TP63: variants seen among roughly 807,000 people sequenced by gnomAD.
The protein encoded by TP63 is tumor protein 63.
TP63 carries 17 observed loss-of-function variants against 82.8 expected under a neutral mutation model. The observed-to-expected ratio is 0.21, with a 90% CI of 0.14 to 0.31. The LOEUF (loss-of-function observed/expected upper bound fraction) is 0.31, where lower values mean the gene tolerates loss of function less well. TP63 is among the 10% of genes least tolerant of loss of function. TP63 has a pLI of 1.00. For synonymous variants in TP63, 330 were observed against 321.7 expected, an observed-to-expected ratio of 1.03 and a Z score of -0.28; for missense variants, 648 against 895.3, an observed-to-expected ratio of 0.72 and a Z score of 3.52.
intron 3 of TP63, among the ~76,000 whole-genome samples, chr3:189,751,650 C>G (rs1721829158): frequency 6.6e-6 from 1 of 152,126 alleles, no homozygotes; most frequent in South Asian, 2.1e-4. Context: ...ATCCTTCACC[C>G]ACTTTTTGAT....
intron 1 of TP63, among the ~76,000 whole-genome samples, chr3:189,722,414 TCTC>T (rs1259035554): frequency 6.6e-6 from 1 of 152,156 alleles, no homozygotes; most frequent in Non-Finnish European, 1.5e-5. Flanking sequence ...AGGTCAAAAG[TCTC>T]CTGTAAAATG....
the TP63 span, among the ~76,000 whole-genome samples, chr3:189,599,690 A>T: frequency 6.6e-6 from 1 of 152,134 alleles, no homozygotes; most frequent in African/African-American, 2.4e-5. Context: ...CCATTAGTAG[A>T]TTCTGTATTA....
intron 1 of TP63, among the ~76,000 whole-genome samples, chr3:189,687,641 G>A (rs540538152): frequency 2.6e-4 from 39 of 152,304 alleles, no homozygotes; most frequent in African/African-American, 7.9e-4. Context: ...AGACAACCAC[G>A]TAGTAGGGCC....
intron 1 of TP63, among the ~76,000 whole-genome samples, chr3:189,687,311 C>A (rs898995904): frequency 6.6e-6 from 1 of 152,130 alleles, no homozygotes; most frequent in African/African-American, 2.4e-5. Flanking sequence ...GCAAAGTTTT[C>A]TTTTAATACA....
chr3:189,624,364 T>C, the TP63 span, among the ~76,000 whole-genome samples: 11 of 152,164 alleles, frequency 7.2e-5, no homozygotes, highest in African/African-American at 2.7e-4. Flanking sequence ...GTTATAAGTA[T>C]TTCACAAGCT....
At chr3:189,709,880 T>G (rs1718469692) in intron 1 of TP63, among the ~76,000 whole-genome samples, 1 of 152,178 alleles carries the variant, frequency 6.6e-6, no homozygotes, top group Non-Finnish European at 1.5e-5. Flanking sequence ...TGCTCACTTT[T>G]TCTCCATCCA....
At chr3:189,696,962 C>A (rs558992576) in intron 1 of TP63, among the ~76,000 whole-genome samples, 1 of 152,096 alleles carries the variant, frequency 6.6e-6, no homozygotes, top group Non-Finnish European at 1.5e-5. Context: ...TTTGCAAATA[C>A]TTTTCCCCAG....
the TP63 span, among the ~76,000 whole-genome samples, chr3:189,601,523 C>T: frequency 5.3e-5 from 8 of 152,066 alleles, no homozygotes; most frequent in Non-Finnish European, 1.0e-4. Context: ...CCAAAGGGTT[C>T]ATTAGAAAAT....
intron 10 of TP63, 25 bp from the exon 11 acceptor site, chr3:189,886,369 A>G: frequency 5.0e-6 from 8 of 1,613,046 alleles, no homozygotes; most frequent in Non-Finnish European, 6.8e-6. Context: ...CTTGCTCACC[A>G]TTATTTCCAT....
intron 1 of TP63, among the ~76,000 whole-genome samples, chr3:189,697,259 C>T (rs1437584280): frequency 7.7e-6 from 1 of 129,660 alleles, no homozygotes; most frequent in Non-Finnish European, 1.6e-5. Context: ...TGCATATGGA[C>T]ACTCGATTGT....
chr3:189,736,930 C>T (rs62279902), intron 1 of TP63, among the ~76,000 whole-genome samples: 5,434 of 151,972 alleles, frequency 0.036, 137 homozygotes, highest in South Asian at 0.1. Context: ...ATGATCTGCC[C>T]GGATAATATT....
chr3:189,627,821 G>A (rs1471138284), upstream of TP63, among the ~76,000 whole-genome samples: 1 of 152,120 alleles, frequency 6.6e-6, no homozygotes, highest in Non-Finnish European at 1.5e-5. Context: ...GCTACTCGGT[G>A]TCTAATGTGT....
intron 9 of TP63, among the ~76,000 whole-genome samples, chr3:189,871,972 T>G (rs191145426): frequency 2.0e-4 from 30 of 152,222 alleles, no homozygotes; most frequent in African/African-American, 7.0e-4. Context: ...CCTCCCAAAT[T>G]GCCGGGATTG....
chr3:189,706,017 A>G (rs1003008264), intron 1 of TP63, among the ~76,000 whole-genome samples: 10 of 152,288 alleles, frequency 6.6e-5, no homozygotes, highest in Middle Eastern at 3.4e-3. Flanking sequence ...TGCATATACT[A>G]TGTCTAATAA....
At chr3:189,789,944 G>A in intron 3 of TP63, 2 of 1,163,964 alleles carry the variant, frequency 1.7e-6, no homozygotes, top group Non-Finnish European at 1.1e-6. Flanking sequence ...CCAATGTAAT[G>A]TTTTGCAAAT....
At chr3:189,690,579 C>T (rs1056178879) in intron 1 of TP63, among the ~76,000 whole-genome samples, 5 of 152,142 alleles carry the variant, frequency 3.3e-5, no homozygotes, top group African/African-American at 1.2e-4. Context: ...CCTATAGACA[C>T]ATTTATTTGA....
At chr3:189,749,851 C>T (rs1233079122) in intron 3 of TP63, among the ~76,000 whole-genome samples, 1 of 152,086 alleles carries the variant, frequency 6.6e-6, no homozygotes, top group Non-Finnish European at 1.5e-5. Context: ...AGGCCAGGTG[C>T]GGTGGCTCAC....
rs77588814 is a variant in TP63, at chr3:189,798,791, C to T, written c.325-9481C>T. 6.2e-3 allele frequency among the ~76,000 whole-genome samples: 948 copies of T among 152,070 alleles called. 7 individuals carry two copies. Among genetic ancestry groups the T allele is most frequent in the African/African-American group, 0.022 (908 of 41,504 alleles). ...TTTGCTCATATCTTTTATAATAGGA[C>T]AAATAGAATAAAATGAATAAGACGA... On this transcript the variant is annotated intron_variant, in intron 3 of 13. Coordinates refer to ENST00000264731, the MANE Select transcript of TP63 (RefSeq NM_003722.5).
intron 1 of TP63, among the ~76,000 whole-genome samples, chr3:189,692,031 G>A (rs372875146): frequency 6.6e-6 from 1 of 151,976 alleles, no homozygotes; most frequent in Non-Finnish European, 1.5e-5. Context: ...TATTGCTACG[G>A]GTTGTCATCT....
Sources: allele counts gnomAD v4.1 joint callset (sites outside exome capture counted in the v4.1 genomes callset), GRCh38; gene constraint gnomAD v4.1.1; transcripts MANE v1.5; gene names NCBI Gene and HGNC (gene_info 2026-07-23, HGNC 2026-07-21).